Variants in B3GAT2 observed in about 807,000 individuals in gnomAD.
The protein encoded by B3GAT2 is beta-1,3-glucuronyltransferase 2, also known as galactosylgalactosylxylosylprotein 3-beta-glucuronosyltransferase 2.
A neutral mutation model predicts 27.8 loss-of-function variants in B3GAT2; 26 were observed. That is an observed-to-expected ratio of 0.93 (90% CI 0.68 to 1.30). The LOEUF is 1.30. Among genes scored for constraint, B3GAT2 ranks in the 50% most tolerant of loss-of-function variants. The pLI is 0.00. For synonymous variants in B3GAT2, 218 were observed against 195.1 expected (o/e 1.12, Z -0.98); for missense variants, 458 against 459.0 (o/e 1.00, Z 0.02).
intron 1 of B3GAT2, among the ~76,000 whole-genome samples, chr6:70,903,350 A>G (rs76961041): frequency 0.019 from 2,873 of 152,146 alleles, 47 homozygotes; most frequent in Non-Finnish European, 0.026. Flanking sequence ...ACCTTAAATA[A>G]ATCTATAAAT....
chr6:70,921,086 T>A (rs1447312881), intron 1 of B3GAT2, among the ~76,000 whole-genome samples: 1 of 152,208 alleles, frequency 6.6e-6, no homozygotes, highest in East Asian at 1.9e-4. Flanking sequence ...TTGGAGAATC[T>A]GATGCCTACA....
At chr6:70,944,793 C>A (rs991325414) in intron 1 of B3GAT2, among the ~76,000 whole-genome samples, 1 of 152,176 alleles carries the variant, frequency 6.6e-6, no homozygotes, top group Admixed American at 6.5e-5. Context: ...GACCCCTGAC[C>A]CCCGAGCAGC....
chr6:70,911,009 T>G (rs1415357191), intron 1 of B3GAT2, among the ~76,000 whole-genome samples: 1 of 152,100 alleles, frequency 6.6e-6, no homozygotes, highest in East Asian at 1.9e-4. Context: ...CTTTAGCTAC[T>G]TTAAAAATTT....
intron 2 of B3GAT2, among the ~76,000 whole-genome samples, chr6:70,866,855 C>A (rs1355841968): frequency 6.6e-6 from 1 of 152,166 alleles, no homozygotes; most frequent in Admixed American, 6.5e-5. Flanking sequence ...CCAACAACAG[C>A]AGAATACAAT....
At chr6:70,914,450 A>T (rs1772735888) in intron 1 of B3GAT2, among the ~76,000 whole-genome samples, 1 of 152,222 alleles carries the variant, frequency 6.6e-6, no homozygotes. Flanking sequence ...TGTACCTACA[A>T]AGGATATGAA....
Position 70,877,017 on chromosome 6 carries a change from G to C in B3GAT2, c.737-15039C>G, listed in dbSNP as rs774700741. Among the ~76,000 whole-genome samples, 19 of 152,200 alleles carry C rather than the reference G, an allele frequency of 1.2e-4. 1 individual carries two copies. The highest frequency in any genetic ancestry group is 2.0e-4 in the Admixed American group (3 of 15,286). The stretch of plus-strand genomic sequence containing the variant: ...GTCTTAGGCTGGAGCAGCAATGATG[G>C]GTGACAAGGCTGTCAAGTTGCTTGT... On this transcript the variant is annotated intron_variant, in intron 2 of 3. Transcript: ENST00000230053.
chr6:70,923,110 C>A (rs1772898164), intron 1 of B3GAT2, among the ~76,000 whole-genome samples: 1 of 152,210 alleles, frequency 6.6e-6, no homozygotes, highest in Admixed American at 6.5e-5. Flanking sequence ...TCATTGTCAT[C>A]AGCATCATCA....
At chr6:70,902,919 C>T (rs1024069284) in intron 1 of B3GAT2, among the ~76,000 whole-genome samples, 13 of 151,550 alleles carry the variant, frequency 8.6e-5, no homozygotes, top group Admixed American at 3.9e-4. Context: ...GGCTGGTGGT[C>T]AAAGGACAAA....
At chr6:70,944,530 A>C (rs1180003278) in intron 1 of B3GAT2, among the ~76,000 whole-genome samples, 1 of 152,152 alleles carries the variant, frequency 6.6e-6, no homozygotes, top group Admixed American at 6.5e-5. Flanking sequence ...GGGTGCCCGC[A>C]ATTGCCCAGG....
chr6:70,882,682 A>G (rs1772117568), intron 2 of B3GAT2, among the ~76,000 whole-genome samples: 1 of 152,224 alleles, frequency 6.6e-6, no homozygotes, highest in Non-Finnish European at 1.5e-5. Context: ...AAGAATTTCT[A>G]CAGCTCAGCA....
intron 1 of B3GAT2, among the ~76,000 whole-genome samples, chr6:70,895,878 G>C (rs1185812495): frequency 6.6e-6 from 1 of 150,988 alleles, no homozygotes; most frequent in African/African-American, 2.4e-5. Context: ...CTGCAGAAAA[G>C]TGTTAACAAG....
Position 70,860,107 on chromosome 6 carries a change from C to G in B3GAT2, c.*1556G>C. ...ATTCCAGTGCTTGGACTAGTTGTCA[C>G]ATTAATGAAAAAATGACCAACTGTG... On this transcript the variant is annotated 3_prime_UTR_variant, in exon 4 of 4. Transcript: ENST00000230053. The G allele has an allele frequency of 7.1e-7, 1 of 1,411,450 alleles. No individual in the cohort carries two copies. Among genetic ancestry groups the G allele is most frequent in the Non-Finnish European group, 9.5e-7 (1 of 1,054,590 alleles). 87.4% of individuals were successfully genotyped at this position (1,411,450 alleles called of 1,614,324 possible).
At chr6:70,902,280 G>A (rs559096875) in intron 1 of B3GAT2, among the ~76,000 whole-genome samples, 1 of 152,072 alleles carries the variant, frequency 6.6e-6, no homozygotes, top group Non-Finnish European at 1.5e-5. Flanking sequence ...AGTTCAATGG[G>A]GGAAAAGGAC....
chr6:70,937,022 A>G lies in B3GAT2; in HGVS notation c.591+18817T>C, dbSNP rs536195219. ...AGACCACTAGCAAGACTAATAAAGA[A>G]GAAAAGAGAGAAAAATCAAATAGAC... On this transcript the variant is annotated intron_variant, in intron 1 of 3. Coordinates refer to ENST00000230053, the MANE Select transcript of B3GAT2 (RefSeq NM_080742.3). 2.0e-4 allele frequency among the ~76,000 whole-genome samples: 30 copies of G among 152,214 alleles called. 1 individual carries two copies. Among genetic ancestry groups the G allele is most frequent in the African/African-American group, 5.8e-4 (24 of 41,520 alleles).
At chr6:70,913,975 GCTTTA>G (rs1772728712) in intron 1 of B3GAT2, among the ~76,000 whole-genome samples, 1 of 151,950 alleles carries the variant, frequency 6.6e-6, no homozygotes, top group South Asian at 2.1e-4. Context: ...GATCATTGTT[GCTTTA>G]AAGTCTGCTT....
At chr6:70,917,552 C>A (rs1396090854) in intron 1 of B3GAT2, among the ~76,000 whole-genome samples, 5 of 152,172 alleles carry the variant, frequency 3.3e-5, no homozygotes, top group Admixed American at 6.5e-5. Context: ...AAATTTCTCT[C>A]TACACACTGC....
chr6:70,867,078 A>C (rs944994988), intron 2 of B3GAT2, among the ~76,000 whole-genome samples: 8 of 152,216 alleles, frequency 5.3e-5, no homozygotes, highest in African/African-American at 1.9e-4. Context: ...AATACAAACC[A>C]AAGAAGAAAT....
chr6:70,869,671 T>G (rs191112886), intron 2 of B3GAT2, among the ~76,000 whole-genome samples: 1 of 152,318 alleles, frequency 6.6e-6, no homozygotes, highest in Admixed American at 6.5e-5. Flanking sequence ...TGAATGAAAT[T>G]TTCTTAGTTT....
chr6:70,941,999 G>A (rs572966819), intron 1 of B3GAT2, among the ~76,000 whole-genome samples: 6 of 152,022 alleles, frequency 3.9e-5, no homozygotes, highest in Non-Finnish European at 7.4e-5. Flanking sequence ...CACTTCTTTG[G>A]TACAACTAGA....
Sources: gnomAD v4.1 joint callset for allele counts (sites outside exome capture counted in the v4.1 genomes callset) on GRCh38, gnomAD v4.1.1 for gene constraint, MANE v1.5 for transcripts, NCBI Gene and HGNC (gene_info 2026-07-23, HGNC 2026-07-21) for gene names.